The following CHCHD2 variants were observed in gnomAD, a reference collection of about 807,000 sequenced individuals.
The protein encoded by CHCHD2 is coiled-coil-helix-coiled-coil-helix domain containing 2.
Under a neutral mutation model 17.5 loss-of-function variants are expected in CHCHD2, and 17 were observed. The observed-to-expected ratio is 0.97, with a 90% CI of 0.67 to 1.46. CHCHD2 has a LOEUF of 1.46. Among genes scored for constraint, CHCHD2 ranks in the 40% most tolerant of loss-of-function variants. CHCHD2 has a pLI of 0.00. For synonymous variants in CHCHD2, 63 were observed against 74.3 expected, an observed-to-expected ratio of 0.85 and a Z score of 0.78; for missense variants, 175 against 199.9, an observed-to-expected ratio of 0.88 and a Z score of 0.75.
intron 1 of CHCHD2, among the ~76,000 whole-genome samples, chr7:56,104,881 A>G (rs898048731): frequency 6.6e-6 from 1 of 151,156 alleles, no homozygotes; most frequent in African/African-American, 2.4e-5. Flanking sequence ...AAGTGCTGGG[A>G]TTACAGGTGT....
At chr7:56,103,537 C>A (rs1173441313) in intron 2 of CHCHD2, among the ~76,000 whole-genome samples, 2 of 152,176 alleles carry the variant, frequency 1.3e-5, no homozygotes. Context: ...CAAGCAATCC[C>A]TTCACTTCAG....
chr7:56,101,644 G>C lies in CHCHD2; in HGVS notation c.*207C>G. The C allele has an allele frequency of 1.9e-6, 1 of 513,514 alleles. No homozygotes were observed. The highest frequency in any genetic ancestry group is 3.5e-6 in the Non-Finnish European group (1 of 282,812). 31.8% of individuals were successfully genotyped at this position (513,514 alleles called of 1,614,324 possible). A position where few individuals can be genotyped will look rare whatever the true frequency, so the allele number is the denominator to read the frequency against. ...CATAACATAACAGCTAGTTTAAGGAGGCCACACAAACATTTGCCCAGTCCC... is the reference window on the plus strand; with the variant it reads ...CATAACATAACAGCTAGTTTAAGGACGCCACACAAACATTTGCCCAGTCCC... On this transcript the variant is annotated 3_prime_UTR_variant, in exon 4 of 4. Transcript: ENST00000395422.
At chr7:56,105,392 T>A (rs1022200395) in intron 1 of CHCHD2, among the ~76,000 whole-genome samples, 1 of 152,188 alleles carries the variant, frequency 6.6e-6, no homozygotes, top group African/African-American at 2.4e-5. Context: ...ATTCAAGTAT[T>A]AGGTAACTAC....
At chr7:56,105,398 A>G (rs986073254) in intron 1 of CHCHD2, among the ~76,000 whole-genome samples, 6 of 152,230 alleles carry the variant, frequency 3.9e-5, no homozygotes, top group Non-Finnish European at 7.3e-5. Flanking sequence ...GTATTAGGTA[A>G]CTACAAGGCG....
chr7:56,105,203 G>A (rs1298235664), intron 1 of CHCHD2, among the ~76,000 whole-genome samples: 2 of 151,322 alleles, frequency 1.3e-5, no homozygotes, highest in Non-Finnish European at 2.9e-5. Context: ...GAGCCACCAC[G>A]CCCGGCCACT....
intron 3 of CHCHD2, among the ~76,000 whole-genome samples, chr7:56,102,191 T>C (rs1204460983): frequency 6.6e-6 from 1 of 152,086 alleles, no homozygotes; most frequent in Non-Finnish European, 1.5e-5. Flanking sequence ...AATTAACTCC[T>C]TTCACTCAAT....
chr7:56,106,129 T>C (rs560568140), intron 1 of CHCHD2, among the ~76,000 whole-genome samples: 3 of 152,344 alleles, frequency 2.0e-5, no homozygotes, highest in Admixed American at 6.5e-5. Context: ...TCCTACCACC[T>C]GGCCATAACG....
In CHCHD2 at chr7:56,101,776, A is replaced by G. The variant is rs549615616; in HGVS notation, c.*75T>C. The G allele has an allele frequency of 1.8e-4, 238 of 1,359,146 alleles. No homozygotes were observed. The highest frequency in any genetic ancestry group is 2.2e-4 in the Admixed American group (12 of 54,712). 84.2% of individuals were successfully genotyped at this position (1,359,146 alleles called of 1,614,324 possible). On this transcript the variant is annotated 3_prime_UTR_variant, in exon 4 of 4. Transcript: ENST00000395422. Reference sequence around the variant, plus strand: ...GATGGTTACACTTTATACCCTCACTATCAATTCTATTTTTATACTAAATTA... The same window carrying G: ...GATGGTTACACTTTATACCCTCACTGTCAATTCTATTTTTATACTAAATTA...
At chr7:56,106,263 G>GACTGT in intron 1 of CHCHD2, 101 bp downstream of exon 1, 1 of 1,139,144 alleles carries the variant, frequency 8.8e-7, no homozygotes, top group Admixed American at 2.6e-5. Context: ...CCACGCCGCA[G>GACTGT]CCGACCTTAG....
At chr7:56,103,129 T>C (rs893492496) in intron 2 of CHCHD2, 118 bp from the exon 3 acceptor site, 2 of 973,334 alleles carry the variant, frequency 2.1e-6, no homozygotes, top group African/African-American at 1.6e-5. Context: ...CAGATGCTAA[T>C]TAAAGTTTCC....
At chr7:56,102,687 A>G (rs1191293076) in intron 3 of CHCHD2, 180 bp downstream of exon 3, 2 of 662,764 alleles carry the variant, frequency 3.0e-6, no homozygotes, top group Middle Eastern at 4.2e-4. Context: ...TAAAGGAAGA[A>G]AATTCAGAAA....
intron 3 of CHCHD2, 149 bp from the exon 4 acceptor site, chr7:56,102,010 T>C: frequency 1.4e-6 from 1 of 736,418 alleles, no homozygotes; most frequent in South Asian, 1.8e-5. Flanking sequence ...AGAGATGAGG[T>C]CTTGCTATGT....
chr7:56,104,595 T>A, intron 1 of CHCHD2, 120 bp from the exon 2 acceptor site: 8 of 1,150,184 alleles, frequency 7.0e-6, no homozygotes, highest in Non-Finnish European at 8.3e-6. Flanking sequence ...ATTATTTACA[T>A]CATTTTCTCT....
chr7:56,104,164 CAAACG>C (rs1785337631), intron 2 of CHCHD2, 57 bp downstream of exon 2: 1 of 1,591,154 alleles, frequency 6.3e-7, no homozygotes, highest in East Asian at 2.3e-5. Context: ...AAGGAACTTA[CAAACG>C]TCTGGCTTTT....
intron 2 of CHCHD2, among the ~76,000 whole-genome samples, chr7:56,103,245 C>T (rs183238019): frequency 8.5e-5 from 13 of 152,150 alleles, no homozygotes; most frequent in Admixed American, 5.2e-4. Flanking sequence ...TTTGGGAAGC[C>T]GAGAAGGGTG....
intron 3 of CHCHD2, 35 bp downstream of exon 3, chr7:56,102,832 G>A (rs1447673416): frequency 6.2e-7 from 1 of 1,610,482 alleles, no homozygotes. Context: ...ATTCCACTGT[G>A]AATTAAGCAG....
At chr7:56,101,999 T>C in intron 3 of CHCHD2, 138 bp from the exon 4 acceptor site, 5 of 810,840 alleles carry the variant, frequency 6.2e-6, no homozygotes, top group South Asian at 5.0e-5. Context: ...TGATAAAAAA[T>C]AGAGATGAGG....
chr7:56,106,018 T>C (rs956510723), intron 1 of CHCHD2, among the ~76,000 whole-genome samples: 3 of 152,182 alleles, frequency 2.0e-5, no homozygotes, highest in Non-Finnish European at 2.9e-5. Context: ...CCTGCACGTA[T>C]TTAAAAATCT....
intron 3 of CHCHD2, chr7:56,102,521 C>G (rs1785306208): frequency 5.2e-6 from 1 of 191,106 alleles, no homozygotes; most frequent in Non-Finnish European, 1.1e-5. Context: ...TGCCTGCCAC[C>G]ACACCCAGCT....
Sources: allele counts gnomAD v4.1 joint callset (sites outside exome capture counted in the v4.1 genomes callset), GRCh38; gene constraint gnomAD v4.1.1; transcripts MANE v1.5; gene names NCBI Gene and HGNC (gene_info 2026-07-23, HGNC 2026-07-21).